Variants in NOTCH3 observed in about 807,000 individuals in gnomAD.
NOTCH3 encodes neurogenic locus notch homolog protein 3.
NOTCH3 carries 86 observed loss-of-function variants against 213.3 expected under a neutral mutation model. The observed-to-expected ratio is 0.40, with a 90% CI of 0.34 to 0.48. The LOEUF (loss-of-function observed/expected upper bound fraction) is 0.48, where lower values mean the gene tolerates loss of function less well. Ranked by LOEUF, NOTCH3 falls within the 20% of genes least tolerant of loss-of-function variation. NOTCH3 has a pLI of 0.57. For synonymous variants in NOTCH3, 1,354 were observed against 1,355.9 expected (o/e 1.00, Z 0.03); for missense variants, 2,783 against 3,272.6 (o/e 0.85, Z 3.65).
chr19:15,171,364 T>G (rs1441656405), intron 25 of NOTCH3, among the ~76,000 whole-genome samples: 2 of 152,056 alleles, frequency 1.3e-5, no homozygotes, highest in Non-Finnish European at 2.9e-5. Context: ...TTCTGTTTTG[T>G]TTTTTGAGAC....
In NOTCH3 at chr19:15,161,128, G is replaced by T; in HGVS notation, c.6500C>A (p.Ala2167Asp). The T allele has an allele frequency of 6.5e-7, 1 of 1,539,966 alleles. No homozygotes were observed. Among genetic ancestry groups the T allele is most frequent in the South Asian group, 1.2e-5 (1 of 84,374 alleles). ...VLSLGLLNPV[A>D]VPLDWARLPP... Reference sequence around the variant, plus strand: ...CAGCCGGGCCCAATCGAGGGGCACAGCCACAGGGTTCAGCAGGCCCAGGCT... The same window carrying T: ...CAGCCGGGCCCAATCGAGGGGCACATCCACAGGGTTCAGCAGGCCCAGGCT... Residue 2167 changes from alanine (A) to aspartate (D), a missense_variant, in exon 33 of 33, where the codon GCT becomes GAT. Ala to Asp is a moderately radical substitution (Grantham distance 126). This residue lies in a region of NOTCH3 where 441 missense variants were observed against 432.1 expected (regional missense o/e 1.02). Coordinates refer to ENST00000263388, the MANE Select transcript of NOTCH3 (RefSeq NM_000435.3).
intron 24 of NOTCH3, among the ~76,000 whole-genome samples, chr19:15,176,110 A>C (rs2046788077): frequency 6.6e-6 from 1 of 151,690 alleles, no homozygotes; most frequent in Admixed American, 6.6e-5. Flanking sequence ...CCAAGGATGG[A>C]CAAACAGGAG....
At position 15,185,012 on chromosome 19, in the gene NOTCH3, C is replaced by T; in HGVS notation, c.2304G>A (p.Gln768=). ...GGGTGCAGGGGGAGAGGAGTTCACA[C>T]TGACGTCCTGTTGGGGGTGGAAGAG... ...CTCPPGVQGR[Q]CELLSPCTPN... is the part of the protein sequence containing the mutation. Residue 768 remains glutamine (Q), a synonymous_variant, in exon 15 of 33, where the codon CAG becomes CAA. Transcript: ENST00000263388. The surrounding 1 kb of genome is among the most constrained non-coding windows in gnomAD (Gnocchi z 4.2). 1 of 1,496,120 alleles carries T rather than the reference C, an allele frequency of 6.7e-7. No homozygotes were observed. Among genetic ancestry groups the T allele is most frequent in the African/African-American group, 1.4e-5 (1 of 72,172 alleles). 92.7% of individuals were successfully genotyped at this position (1,496,120 alleles called of 1,614,324 possible). A position where few individuals can be genotyped will look rare whatever the true frequency, so the allele number is the denominator to read the frequency against.
chr19:15,191,559 C>T lies in NOTCH3; in HGVS notation c.901G>A (p.Val301Met), dbSNP rs775584737. 12 of 1,613,540 alleles carry T rather than the reference C, an allele frequency of 7.4e-6. No homozygotes were observed. Among genetic ancestry groups the T allele is most frequent in the Admixed American group, 3.3e-5 (2 of 59,998 alleles). Residue 301 changes from valine (V) to methionine (M), a missense_variant, in exon 6 of 33, where the codon GTG becomes ATG. Around this residue, in one of 6 missense-constraint regions of NOTCH3, gnomAD observed 708 missense variants for 906.6 expected, o/e 0.78. Transcript: ENST00000263388. Reference sequence around the variant, plus strand: ...TCGCCTGTCCAGCCATTGACACACACGCAGCTGTGGCCACCCAGCGTGTTG... The same window carrying T: ...TCGCCTGTCCAGCCATTGACACACATGCAGCTGTGGCCACCCAGCGTGTTG... ...CFNTLGGHSCVCVNGWTGESC... is the reference protein window; with the variant it reads ...CFNTLGGHSCMCVNGWTGESC...
chr19:15,180,155 C>T lies in NOTCH3; in HGVS notation c.3244G>A (p.Glu1082Lys). 6.2e-7 allele frequency: 1 copy of T among 1,613,670 alleles called. No homozygotes were observed. Among genetic ancestry groups the T allele is most frequent in the East Asian group, 2.2e-5 (1 of 44,874 alleles). The change falls in exon 20 of 33, where the codon GAG (glutamate) becomes AAG (lysine). Residue 1082 changes from glutamate to lysine, a missense_variant. Coordinates refer to ENST00000263388, the MANE Select transcript of NOTCH3 (RefSeq NM_000435.3). ...CPEGRTGSHCEQEVDPCLAQP... is the reference protein window; with the variant it reads ...CPEGRTGSHCKQEVDPCLAQP... ...GCCAAGCAGGGGTCCACCTCCTGCT[C>T]ACAGTGGCTACCAGTACGGCCCTCT... is the stretch of plus-strand genomic sequence containing the variant.
At chr19:15,171,771 A>G (rs1374239073) in intron 25 of NOTCH3, among the ~76,000 whole-genome samples, 4 of 152,030 alleles carry the variant, frequency 2.6e-5, no homozygotes, top group Non-Finnish European at 4.4e-5. Context: ...CCCTGGTTCA[A>G]GTGATTCTCT....
rs1568347560 is a variant in NOTCH3, at chr19:15,165,875, T to C, written c.5579A>G (p.Asp1860Gly). 1 of 1,614,056 alleles carries C rather than the reference T, an allele frequency of 6.2e-7. No individual in the cohort carries two copies. Residue 1860 changes from aspartate to glycine, a missense_variant, in exon 30 of 33, where the codon GAT becomes GGT. This residue lies in a region of NOTCH3 where 636 missense variants were observed against 801.8 expected (regional missense o/e 0.79). Coordinates refer to ENST00000263388, the MANE Select transcript of NOTCH3 (RefSeq NM_000435.3). This position sits in a 1 kb window ranked among gnomAD's most constrained non-coding sequence, Gnocchi z 4.7. Reference sequence around the variant, plus strand: ...CTGGGCATTGGTGTCTGCCCCAGCATCCAGCAGCCGCTTGGCTGCATCAGC... The same window carrying C: ...CTGGGCATTGGTGTCTGCCCCAGCACCCAGCAGCCGCTTGGCTGCATCAGC... ...ARADAAKRLL[D>G]AGADTNAQDH...
intron 25 of NOTCH3, among the ~76,000 whole-genome samples, chr19:15,173,757 AAGGAGAAGGAGAAGGAGAAGG>A (rs1568351780): frequency 3.8e-4 from 1 of 2,640 alleles, no homozygotes; most frequent in African/African-American, 4.9e-3. Flanking sequence ...GAAGAAGGAG[AAGGAGAAGGAGAAGGAGAAGG>A]AGAAGGAGAA....
intron 19 of NOTCH3, 122 bp downstream of exon 19, chr19:15,180,559 G>A: frequency 8.3e-7 from 1 of 1,206,370 alleles, no homozygotes; most frequent in Non-Finnish European, 1.2e-6. Context: ...ACACCACTCA[G>A]CCACACACCC....
intron 28 of NOTCH3, among the ~76,000 whole-genome samples, chr19:15,168,739 C>T (rs540400789): frequency 6.5e-4 from 99 of 152,144 alleles, no homozygotes; most frequent in Middle Eastern, 6.8e-3. Flanking sequence ...GAGGCTGAGG[C>T]AGGGGAATCA....
rs932406561 is a variant in NOTCH3 at position 15,193,710 on chromosome 19, G to T, written c.198-1191C>A. Among the ~76,000 whole-genome samples, 5 of 145,032 alleles carry T rather than the reference G, an allele frequency of 3.4e-5. No homozygotes were observed. In the Admixed American group the frequency reaches 3.6e-4, roughly 10 times the overall value. On this transcript the variant is annotated intron_variant, in intron 2 of 32. Coordinates refer to ENST00000263388, the MANE Select transcript of NOTCH3 (RefSeq NM_000435.3). ...CGCTTGAACCCAGGAGGCGGAGGTT[G>T]CAGTGAGCCGAAATTGCACCACTGC...
At chr19:15,178,444 A>G (rs2046810707) in intron 23 of NOTCH3, 1 of 436,054 alleles carries the variant, frequency 2.3e-6, no homozygotes, top group South Asian at 2.3e-5. Context: ...CTGGAGTGCA[A>G]TGGCGTGATG....
rs200595885 is a variant in NOTCH3 at position 15,197,516 on chromosome 19, G to A, written c.181C>T (p.Arg61Trp). 242 of 1,373,090 alleles carry A rather than the reference G, an allele frequency of 1.8e-4. No homozygotes were observed. Among genetic ancestry groups the A allele is most frequent in the Admixed American group, 2.0e-4 (10 of 51,194 alleles). 85.1% of individuals were successfully genotyped at this position (1,373,090 alleles called of 1,614,324 possible). ...GGCACTCACAGGCAGGCAGCCTCCC[G>A]GGAGGGCAGCTGGGTGCAACGACCT... ...NGGRCTQLPS[R>W]EAACLCPPGW... Residue 61 changes from arginine to tryptophan, a missense_variant, in exon 2 of 33, where the codon CGG (arginine) becomes TGG (tryptophan). By Grantham distance (101) the Arg-to-Trp change is moderately radical (BLOSUM62 -3). Around this residue, in one of 6 missense-constraint regions of NOTCH3, gnomAD observed 708 missense variants for 906.6 expected, o/e 0.78. Transcript: ENST00000263388.
Position 15,178,844 on chromosome 19 carries a change from G to C in NOTCH3, c.3816C>G (p.Thr1272=). 1 of 1,599,554 alleles carries C rather than the reference G, an allele frequency of 6.3e-7. No homozygotes were observed. The highest frequency in any genetic ancestry group is 8.5e-7 in the Non-Finnish European group (1 of 1,173,186). ...RPSPGPGGGL[T]FTCHCAQPFW... The stretch of plus-strand genomic sequence containing the variant: ...CTACCTGGGCACAGTGACAGGTGAA[G>C]GTCAGCCCACCCCCAGGACCCGGGC... The change falls in exon 23 of 33, where the codon ACC becomes ACG. Residue 1272 remains threonine, a synonymous_variant. Transcript: ENST00000263388.
In NOTCH3 at chr19:15,185,221, G is replaced by A; in HGVS notation, c.2296+36C>T. ...GAAGAGAGATGAGAAGGCCCATGGT[G>A]TTGGTGGGGCTGCAGAGGGAAGGTG... On this transcript the variant is annotated intron_variant, in intron 14 of 32. Coordinates refer to ENST00000263388, the MANE Select transcript of NOTCH3 (RefSeq NM_000435.3). The surrounding 1 kb of genome is among the most constrained non-coding windows in gnomAD (Gnocchi z 4.2). 6.2e-7 allele frequency: 1 copy of A among 1,610,946 alleles called. No individual in the cohort carries two copies. Among genetic ancestry groups the A allele is most frequent in the Non-Finnish European group, 8.5e-7 (1 of 1,178,260 alleles).
rs1378515982 is a variant in NOTCH3, at chr19:15,185,512, C to T, written c.2119G>A (p.Gly707Ser). The T allele has an allele frequency of 1.1e-5, 18 of 1,612,054 alleles. No homozygotes were observed. The highest frequency in any genetic ancestry group is 4.5e-5 in the East Asian group (2 of 44,730). Reference protein sequence around the residue: ...HPCAHEPCSHGICYDAPGGFR... With the variant: ...HPCAHEPCSHSICYDAPGGFR... The stretch of plus-strand genomic sequence containing the variant: ...CCGCCAGGTGCATCATAGCAGATGC[C>T]GTGACTGCAGGGCTCATGGGCACAG... Residue 707 changes from glycine (G) to serine (S), a missense_variant, in exon 13 of 33, where the codon GGC becomes AGC. Transcript: ENST00000263388. The surrounding 1 kb of genome is among the most constrained non-coding windows in gnomAD (Gnocchi z 4.2).
intron 19 of NOTCH3, among the ~76,000 whole-genome samples, 180 bp from the exon 20 acceptor site, chr19:15,180,436 G>A (rs1451314210): frequency 1.3e-5 from 2 of 152,012 alleles, no homozygotes. Flanking sequence ...ACACACACAT[G>A]CCTTCAACGC....
At chr19:15,161,844 G>A (rs1393620009) in intron 32 of NOTCH3, 130 bp from the exon 33 acceptor site, 1 of 752,278 alleles carries the variant, frequency 1.3e-6, no homozygotes, top group East Asian at 2.7e-5. Flanking sequence ...TTAAATCCCG[G>A]CTGTGCTGGG....
Position 15,165,646 on chromosome 19 carries a change from T to G in NOTCH3, c.5668-131A>C. 1 of 1,091,646 alleles carries G rather than the reference T, an allele frequency of 9.2e-7. No individual in the cohort carries two copies. The highest frequency in any genetic ancestry group is 3.5e-5 in the East Asian group (1 of 28,434). 67.6% of individuals were successfully genotyped at this position (1,091,646 alleles called of 1,614,324 possible). A position where few individuals can be genotyped will look rare whatever the true frequency, so the allele number is the denominator to read the frequency against. On this transcript the variant is annotated intron_variant, in intron 30 of 32. Coordinates refer to ENST00000263388, the MANE Select transcript of NOTCH3 (RefSeq NM_000435.3). This position sits in a 1 kb window ranked among gnomAD's most constrained non-coding sequence, Gnocchi z 4.7. ...AAATTGGTGAGGTTCAGGGAGCAGCTGCTTGACAGATACTGTATTCCCATA... is the reference window on the plus strand; with the variant it reads ...AAATTGGTGAGGTTCAGGGAGCAGCGGCTTGACAGATACTGTATTCCCATA...
Sources: gnomAD v4.1 joint callset for allele counts (sites outside exome capture counted in the v4.1 genomes callset) on GRCh38, gnomAD v4.1.1 for gene constraint, gnomAD v4.1.1 regional missense constraint, Gnocchi (gnomAD v3.1) non-coding constraint, MANE v1.5 for transcripts, NCBI Gene and HGNC (gene_info 2026-07-23, HGNC 2026-07-21) for gene names.